Variants in PDCD6 observed in about 807,000 individuals in gnomAD.
PDCD6 encodes the protein programmed cell death protein 6.
PDCD6 carries 12 observed loss-of-function variants against 28.3 expected under a neutral mutation model. That is an observed-to-expected ratio of 0.42 (90% confidence interval 0.27 to 0.69). PDCD6 has a LOEUF of 0.69. PDCD6 is among the 30% of genes least tolerant of loss of function. The pLI is 0.22. For missense variants in PDCD6, 226 were observed against 269.9 expected (o/e 0.84, Z 1.14); for synonymous variants, 92 against 108.0 (o/e 0.85, Z 0.92).
chr5:299,551 G>T (rs1426716771), intron 2 of PDCD6, among the ~76,000 whole-genome samples: 1 of 140,930 alleles, frequency 7.1e-6, no homozygotes, highest in African/African-American at 2.9e-5. Context: ...TCTTTTGAAG[G>T]TTTTTTTTTT....
At chr5:282,835 A>G (rs1738672747) in intron 2 of PDCD6, among the ~76,000 whole-genome samples, 1 of 151,994 alleles carries the variant, frequency 6.6e-6, no homozygotes, top group Non-Finnish European at 1.5e-5. Flanking sequence ...TTGCAGCTGC[A>G]GACGTGGAGA....
In PDCD6 at chr5:291,618, G is replaced by A. The variant is rs114210245; in HGVS notation, c.164-12559G>A. On this transcript the variant is annotated intron_variant, in intron 2 of 5. Transcript: ENST00000264933. ...TGACGTGGCTCCTTTTCATTACTGC[G>A]TGATCTCCCGTCTCCATTCTCTCCC... Among the ~76,000 whole-genome samples, 759 of 147,532 alleles carry A rather than the reference G, an allele frequency of 5.1e-3. 11 individuals carry two copies. The highest frequency in any genetic ancestry group is 0.019 in the African/African-American group (740 of 39,334).
intron 1 of PDCD6, 87 bp downstream of exon 1, chr5:271,908 C>T (rs1158549445): frequency 3.1e-6 from 2 of 654,106 alleles, no homozygotes; most frequent in Non-Finnish European, 2.3e-6. Flanking sequence ...ACCCCGTTCC[C>T]TGCCGGTTCT....
At chr5:272,356 TC>T (rs1303041544) in intron 1 of PDCD6, among the ~76,000 whole-genome samples, 2 of 148,740 alleles carry the variant, frequency 1.3e-5, no homozygotes, top group Non-Finnish European at 3.0e-5. Flanking sequence ...TGGTCGCTTT[TC>T]CACCGAATGT....
intron 2 of PDCD6, among the ~76,000 whole-genome samples, chr5:301,926 G>A (rs1194785315): frequency 2.0e-5 from 3 of 149,504 alleles, no homozygotes; most frequent in Non-Finnish European, 4.4e-5. Context: ...TGTGGGAAGA[G>A]CACAGCTTCC....
At chr5:302,687 G>A (rs1344088467) in intron 2 of PDCD6, among the ~76,000 whole-genome samples, 1 of 146,804 alleles carries the variant, frequency 6.8e-6, no homozygotes, top group Non-Finnish European at 1.5e-5. Context: ...GTGGGTCATC[G>A]AGTGCTGCTG....
At chr5:293,316 A>G (rs942463719) in intron 2 of PDCD6, among the ~76,000 whole-genome samples, 3 of 148,010 alleles carry the variant, frequency 2.0e-5, no homozygotes, top group Middle Eastern at 3.5e-3. Context: ...TGACAGGAAG[A>G]GCAGATCAAG....
At chr5:302,491 CTG>C (rs111715060) in intron 2 of PDCD6, among the ~76,000 whole-genome samples, 69 of 53,094 alleles carry the variant, frequency 1.3e-3, no homozygotes, top group East Asian at 1.5e-3. Flanking sequence ...AGTGCTGCTG[CTG>C]TGTGTGTGTG....
chr5:296,585 A>T (rs146338592), intron 2 of PDCD6, among the ~76,000 whole-genome samples: 4 of 152,240 alleles, frequency 2.6e-5, no homozygotes, highest in Non-Finnish European at 5.9e-5. Context: ...TGAGTGGATG[A>T]AGCAGCAAAA....
intron 2 of PDCD6, chr5:290,075 T>C: frequency 6.3e-7 from 1 of 1,581,838 alleles, no homozygotes. Flanking sequence ...ATTCTTTCCT[T>C]CATTTCATCA....
At position 295,438 on chromosome 5, in the gene PDCD6, C is replaced by T. The variant is rs192387212; in HGVS notation, c.164-8739C>T. 4.8e-3 allele frequency among the ~76,000 whole-genome samples: 719 copies of T among 151,108 alleles called. 2 individuals carry two copies. Among genetic ancestry groups the T allele is most frequent in the African/African-American group, 0.017 (707 of 41,152 alleles). The stretch of plus-strand genomic sequence containing the variant: ...ATGAGGTTGCATTTCTCCAGATAAC[C>T]GGCAGAGTAAATTAAAGCAATATAG... On this transcript the variant is annotated intron_variant, in intron 2 of 5. Transcript: ENST00000264933.
Position 271,702 on chromosome 5 carries a change from C to A in PDCD6, c.-19C>A. 6.8e-7 allele frequency: 1 copy of A among 1,476,664 alleles called. No individual in the cohort carries two copies. 91.5% of individuals were successfully genotyped at this position (1,476,664 alleles called of 1,614,324 possible). A position where few individuals can be genotyped will look rare whatever the true frequency, so the allele number is the denominator to read the frequency against. The stretch of plus-strand genomic sequence containing the variant: ...TCTCGTCGCTGCAGGCGCCTCAGCC[C>A]AGCCGCGTGCCTTGGCCCATGGCCG... On this transcript the variant is annotated 5_prime_UTR_variant, in exon 1 of 6. Transcript: ENST00000264933.
intron 2 of PDCD6, among the ~76,000 whole-genome samples, chr5:273,958 C>T (rs538013940): frequency 8.7e-4 from 126 of 144,378 alleles, no homozygotes; most frequent in Non-Finnish European, 1.5e-3. Flanking sequence ...TTATTTGCAT[C>T]TCAGTTCGTT....
chr5:300,894 G>A (rs920172700), intron 2 of PDCD6, among the ~76,000 whole-genome samples: 43 of 152,098 alleles, frequency 2.8e-4, no homozygotes, highest in African/African-American at 9.9e-4. Context: ...CAGTATGGCC[G>A]TCCGGTTCCT....
chr5:299,612 C>T (rs1323880539), intron 2 of PDCD6, among the ~76,000 whole-genome samples: 1 of 151,412 alleles, frequency 6.6e-6, no homozygotes, highest in Non-Finnish European at 1.5e-5. Flanking sequence ...TCCAGTGGTG[C>T]AATCTCAGCT....
In PDCD6 at chr5:299,608, GGT is replaced by G. The variant is rs1227969031; in HGVS notation, c.164-4567_164-4566del. 4.0e-5 allele frequency among the ~76,000 whole-genome samples: 6 copies of G among 151,180 alleles called. No individual in the cohort carries two copies. In the South Asian group the frequency reaches 6.2e-4, roughly 16 times the overall value. Reference sequence around the variant, plus strand: ...TTTGTCGCCCAGGCTGGAGTCCAGTGGTGCAATCTCAGCTCACTGCAAGCTCC... The same window carrying G: ...TTTGTCGCCCAGGCTGGAGTCCAGTGGCAATCTCAGCTCACTGCAAGCTCC... On this transcript the variant is annotated intron_variant, in intron 2 of 5. Transcript: ENST00000264933.
intron 2 of PDCD6, among the ~76,000 whole-genome samples, chr5:302,974 G>C (rs1171494800): frequency 2.0e-5 from 3 of 152,258 alleles, no homozygotes; most frequent in Non-Finnish European, 4.4e-5. Context: ...ATCTTCCCAA[G>C]GGGAAGTTGG....
chr5:300,724 C>T (rs1165752933), intron 2 of PDCD6, among the ~76,000 whole-genome samples: 1 of 152,250 alleles, frequency 6.6e-6, no homozygotes, highest in Non-Finnish European at 1.5e-5. Context: ...TGTGGAGAAG[C>T]CAGACCCCGC....
intron 2 of PDCD6, among the ~76,000 whole-genome samples, chr5:292,867 C>G (rs1739393934): frequency 6.6e-6 from 1 of 152,212 alleles, no homozygotes; most frequent in African/African-American, 2.4e-5. Flanking sequence ...CTGAACGCAC[C>G]TCTTGAACAA....
Sources: gnomAD v4.1 joint callset for allele counts (sites outside exome capture counted in the v4.1 genomes callset) on GRCh38, gnomAD v4.1.1 for gene constraint, MANE v1.5 for transcripts, NCBI Gene and HGNC (gene_info 2026-07-23, HGNC 2026-07-21) for gene names.